Variants in ANOS1 observed in about 807,000 individuals in gnomAD.
ANOS1 encodes anosmin-1.
A neutral mutation model predicts 59.0 loss-of-function variants in ANOS1; 6 were observed. The ratio of observed to expected loss-of-function variants is 0.10; its 90% CI spans 0.06 to 0.20. The LOEUF (loss-of-function observed/expected upper bound fraction) is 0.20, where lower values mean the gene tolerates loss of function less well. ANOS1 is among the 10% of genes least tolerant of loss of function. ANOS1 has a pLI of 1.00. For missense variants in ANOS1, 433 were observed against 542.3 expected (o/e 0.80, Z 2.00); for synonymous variants, 217 against 223.4 (o/e 0.97, Z 0.25).
intron 1 of ANOS1, among the ~76,000 whole-genome samples, chrX:8,730,331 CCACAGGAGGTGAG>C (rs1478597686): frequency 8.9e-6 from 1 of 112,035 alleles, no homozygotes; most frequent in Non-Finnish European, 1.9e-5. Context: ...GGTAATTTCA[CCACAGGAGGTGAG>C]CACTGGGTCT....
Position 8,534,258 on chromosome X carries a change from G to C in ANOS1, c.1984+61C>G, listed in dbSNP as rs189572832. 1.4e-3 allele frequency: 1,579 copies of C among 1,137,739 alleles called. 16 individuals are homozygous for C. In the African/African-American group the frequency reaches 0.024, roughly 17 times the overall value. 93.8% of individuals were successfully genotyped at this position (1,137,739 alleles called of 1,213,427 possible). ...TTTATTTGTTTTCATTTTCCAGCAA[G>C]ATTTTTCTCTATGTCCACAAGACCT... On this transcript the variant is annotated intron_variant, in intron 13 of 13. Transcript: ENST00000262648.
chrX:8,626,007 G>A (rs1211933794), intron 2 of ANOS1, among the ~76,000 whole-genome samples: 2 of 103,953 alleles, frequency 1.9e-5, no homozygotes, highest in African/African-American at 7.0e-5. Flanking sequence ...AGCTACTTGG[G>A]AAGCCAAGGC....
chrX:8,682,982 A>C (rs1932449196), intron 2 of ANOS1, among the ~76,000 whole-genome samples: 1 of 111,293 alleles, frequency 9.0e-6, no homozygotes, highest in African/African-American at 3.3e-5. Context: ...GCCCAGACAC[A>C]CCACATCAGA....
In ANOS1 at chrX:8,545,382, GGGAA is replaced by G. The variant is rs56104485; in HGVS notation, c.1355-5628_1355-5625del. Among the ~76,000 whole-genome samples the G allele has an allele frequency of 7.4e-3, 729 of 99,052 alleles. 3 individuals carry two copies. The highest frequency in any genetic ancestry group is 0.015 in the African/African-American group (382 of 26,007). The allele number at this position is 99,052 out of a possible 115,157, so 86.0% of individuals were successfully genotyped here. A position where few individuals can be genotyped will look rare whatever the true frequency, so the allele number is the denominator to read the frequency against. On this transcript the variant is annotated intron_variant, in intron 9 of 13. Transcript: ENST00000262648. ...GGAGGGAGGAAGAAAGGAAAGGAAA[GGGAA>G]GGAAGGAAGGAAGGAAGGAAGGAAG...
intron 8 of ANOS1, among the ~76,000 whole-genome samples, chrX:8,555,495 A>T (rs1929936628): frequency 8.9e-6 from 1 of 112,065 alleles, no homozygotes; most frequent in Admixed American, 9.5e-5. Context: ...AGACTAATAA[A>T]GAAGAAAAGA....
chrX:8,567,392 C>G (rs889292857), intron 8 of ANOS1, among the ~76,000 whole-genome samples: 1 of 111,856 alleles, frequency 8.9e-6, no homozygotes, highest in Non-Finnish European at 1.9e-5. Context: ...CCTATCCACT[C>G]GCGTACATAC....
chrX:8,578,154 G>A (rs1930361104), intron 6 of ANOS1, among the ~76,000 whole-genome samples: 1 of 110,898 alleles, frequency 9.0e-6, no homozygotes, highest in African/African-American at 3.3e-5. Context: ...GTATACTTAT[G>A]GTATATACTT....
chrX:8,636,840 A>T (rs1438227380), intron 2 of ANOS1, among the ~76,000 whole-genome samples: 1 of 112,045 alleles, frequency 8.9e-6, no homozygotes, highest in Non-Finnish European at 1.9e-5. Context: ...AACTCATTCA[A>T]TTTGGCATTA....
chrX:8,550,383 T>C (rs911103499), intron 9 of ANOS1, among the ~76,000 whole-genome samples: 15 of 111,887 alleles, frequency 1.3e-4, no homozygotes, highest in Non-Finnish European at 2.8e-4. Context: ...TGTTTGTAGA[T>C]TGGAACACTC....
At chrX:8,549,604 GT>G (rs1319943057) in intron 9 of ANOS1, among the ~76,000 whole-genome samples, 1 of 112,251 alleles carries the variant, frequency 8.9e-6, no homozygotes, top group Non-Finnish European at 1.9e-5. Context: ...CTTTACGTCT[GT>G]CCTGACATCC....
chrX:8,547,366 G>A, intron 9 of ANOS1, among the ~76,000 whole-genome samples: 1 of 111,503 alleles, frequency 9.0e-6, no homozygotes, highest in Non-Finnish European at 1.9e-5. Context: ...TCATGTCCTG[G>A]GCCAGAAGTG....
chrX:8,535,869 G>T, intron 11 of ANOS1, 58 bp from the exon 12 acceptor site: 1 of 981,151 alleles, frequency 1.0e-6, no homozygotes, highest in Non-Finnish European at 1.5e-6. Context: ...TGTGCCCAAG[G>T]GATCCATTGT....
intron 6 of ANOS1, among the ~76,000 whole-genome samples, chrX:8,580,883 A>G (rs1210973805): frequency 8.9e-6 from 1 of 111,877 alleles, no homozygotes; most frequent in Non-Finnish European, 1.9e-5. Context: ...AATACACTAG[A>G]TAATTGCTTA....
At chrX:8,630,915 G>A (rs1601992542) in intron 2 of ANOS1, among the ~76,000 whole-genome samples, 1 of 112,804 alleles carries the variant, frequency 8.9e-6, no homozygotes, top group African/African-American at 3.2e-5. Context: ...TGGGTGAAAG[G>A]AGGAAAAGGA....
intron 1 of ANOS1, among the ~76,000 whole-genome samples, chrX:8,723,240 G>T (rs1477344726): frequency 8.9e-6 from 1 of 112,389 alleles, no homozygotes; most frequent in East Asian, 2.8e-4. Flanking sequence ...GCTTTTGCGC[G>T]GCAAAAAGAA....
intron 2 of ANOS1, among the ~76,000 whole-genome samples, chrX:8,650,685 T>C (rs2146863881): frequency 9.0e-6 from 1 of 111,731 alleles, no homozygotes; most frequent in African/African-American, 3.3e-5. Flanking sequence ...GCCACTGCAC[T>C]CCAGTCCAGG....
At chrX:8,609,159 C>G (rs771360004) in intron 3 of ANOS1, among the ~76,000 whole-genome samples, 32 of 111,664 alleles carry the variant, frequency 2.9e-4, no homozygotes, top group Non-Finnish European at 5.3e-4. Flanking sequence ...TGGGTATGAT[C>G]TGAGAGACCA....
intron 2 of ANOS1, among the ~76,000 whole-genome samples, chrX:8,641,667 T>C (rs12014726): frequency 0.056 from 6,332 of 112,103 alleles, 339 homozygotes; most frequent in African/African-American, 0.17. Context: ...GGGAATATTA[T>C]GTCAAATATT....
At chrX:8,617,395 G>C (rs937668134) in intron 3 of ANOS1, among the ~76,000 whole-genome samples, 2 of 112,008 alleles carry the variant, frequency 1.8e-5, no homozygotes, top group Non-Finnish European at 3.8e-5. Context: ...ACTTTCTGAG[G>C]TCTCTTTTCA....
Sources: gnomAD v4.1 joint callset for allele counts (sites outside exome capture counted in the v4.1 genomes callset) on GRCh38, gnomAD v4.1.1 for gene constraint, MANE v1.5 for transcripts, NCBI Gene and HGNC (gene_info 2026-07-23, HGNC 2026-07-21) for gene names.